STX8: variants seen among roughly 807,000 people sequenced by gnomAD.
STX8 encodes the protein syntaxin-8.
Under a neutral mutation model 37.5 loss-of-function variants are expected in STX8, and 23 were observed. The ratio of observed to expected loss-of-function variants is 0.61; its 90% CI spans 0.44 to 0.87. The LOEUF is 0.87. Among genes scored for constraint, STX8 ranks in the 40% least tolerant of loss-of-function variants. STX8 has a pLI of 0.00. For missense variants in STX8, 313 were observed against 284.7 expected, an observed-to-expected ratio of 1.10 and a Z score of -0.71; for synonymous variants, 115 against 99.1, an observed-to-expected ratio of 1.16 and a Z score of -0.95.
chr17:9,251,010 T>C (rs2072323), intron 7 of STX8, among the ~76,000 whole-genome samples: 74,270 of 151,596 alleles, frequency 0.49, 19,707 homozygotes, highest in Non-Finnish European at 0.62. Flanking sequence ...TGATGACGCA[T>C]TGATAAAGCA....
intron 7 of STX8, among the ~76,000 whole-genome samples, chr17:9,342,486 G>A (rs1910395433): frequency 6.6e-6 from 1 of 152,172 alleles, no homozygotes; most frequent in South Asian, 2.1e-4. Flanking sequence ...TGGCCTGAGG[G>A]GCAGTAGGCA....
chr17:9,311,800 C>A (rs746655586), intron 7 of STX8, among the ~76,000 whole-genome samples: 3 of 152,114 alleles, frequency 2.0e-5, no homozygotes, highest in Non-Finnish European at 4.4e-5. Flanking sequence ...TGAAACAGTG[C>A]CTGATAACAT....
chr17:9,257,816 C>T (rs962607512), intron 7 of STX8, among the ~76,000 whole-genome samples: 4 of 152,132 alleles, frequency 2.6e-5, no homozygotes, highest in African/African-American at 4.8e-5. Flanking sequence ...GGCCAAACCC[C>T]GTCTCTACTA....
intron 7 of STX8, among the ~76,000 whole-genome samples, chr17:9,313,168 G>T (rs1909253738): frequency 6.6e-6 from 1 of 152,014 alleles, no homozygotes; most frequent in South Asian, 2.1e-4. Context: ...TCCAGTTTGG[G>T]CAACAAGAGT....
chr17:9,277,939 A>T (rs1341092864), intron 7 of STX8, among the ~76,000 whole-genome samples: 1 of 152,150 alleles, frequency 6.6e-6, no homozygotes, highest in Admixed American at 6.5e-5. Flanking sequence ...ATTTTATCCT[A>T]AGTACAAGGG....
intron 6 of STX8, among the ~76,000 whole-genome samples, chr17:9,422,680 G>C (rs1396666541): frequency 6.6e-6 from 1 of 152,208 alleles, no homozygotes; most frequent in Non-Finnish European, 1.5e-5. Context: ...GCCACATTCT[G>C]TTTCTGCAGC....
intron 6 of STX8, among the ~76,000 whole-genome samples, chr17:9,468,237 G>A (rs1320050755): frequency 6.6e-6 from 1 of 152,038 alleles, no homozygotes; most frequent in Non-Finnish European, 1.5e-5. Context: ...AGCCTCCCAA[G>A]TAGCTGGGAT....
chr17:9,301,833 G>A (rs1166164846), intron 7 of STX8, among the ~76,000 whole-genome samples: 1 of 152,120 alleles, frequency 6.6e-6, no homozygotes, highest in African/African-American at 2.4e-5. Flanking sequence ...TTTTGCTATT[G>A]TTTTAGGTAG....
intron 6 of STX8, among the ~76,000 whole-genome samples, chr17:9,482,849 G>C (rs1307625597): frequency 6.6e-6 from 1 of 152,172 alleles, no homozygotes; most frequent in Non-Finnish European, 1.5e-5. Context: ...GGGAGGCGGA[G>C]GTTATGGTGA....
At chr17:9,430,241 C>T (rs1913909303) in intron 6 of STX8, among the ~76,000 whole-genome samples, 1 of 105,060 alleles carries the variant, frequency 9.5e-6, no homozygotes, top group Non-Finnish European at 2.1e-5. Flanking sequence ...ATATATAAAA[C>T]AATTTGCCAT....
intron 6 of STX8, among the ~76,000 whole-genome samples, chr17:9,420,471 C>T (rs1768223739): frequency 6.6e-6 from 1 of 152,148 alleles, no homozygotes; most frequent in African/African-American, 2.4e-5. Context: ...AGGACCCTCG[C>T]CTATCTGCTG....
intron 7 of STX8, among the ~76,000 whole-genome samples, chr17:9,359,998 G>T (rs1226764692): frequency 6.6e-6 from 1 of 151,920 alleles, no homozygotes; most frequent in Non-Finnish European, 1.5e-5. Flanking sequence ...AGCCCCTGAG[G>T]TGTCTTTAGT....
chr17:9,519,053 A>G (rs1905243991), intron 4 of STX8, among the ~76,000 whole-genome samples: 1 of 152,092 alleles, frequency 6.6e-6, no homozygotes, highest in South Asian at 2.1e-4. Flanking sequence ...TGGGGGGAGT[A>G]GCACACAAAT....
At chr17:9,447,369 T>A (rs1383343115) in intron 6 of STX8, among the ~76,000 whole-genome samples, 1 of 152,232 alleles carries the variant, frequency 6.6e-6, no homozygotes, top group African/African-American at 2.4e-5. Context: ...ATCAAGAACA[T>A]GTCTTTGCAT....
intron 2 of STX8, among the ~76,000 whole-genome samples, chr17:9,562,862 A>T (rs1351903245): frequency 1.3e-5 from 2 of 152,084 alleles, no homozygotes; most frequent in Non-Finnish European, 2.9e-5. Flanking sequence ...TTAAAAAAAA[A>T]ATTACATATG....
At chr17:9,410,896 C>T (rs766555629) in intron 6 of STX8, among the ~76,000 whole-genome samples, 23 of 152,138 alleles carry the variant, frequency 1.5e-4, no homozygotes, top group Non-Finnish European at 2.9e-4. Context: ...AGCAAAACCA[C>T]GTAGTCTCAA....
At chr17:9,426,739 G>A (rs765225662) in intron 6 of STX8, among the ~76,000 whole-genome samples, 4 of 152,094 alleles carry the variant, frequency 2.6e-5, no homozygotes, top group Non-Finnish European at 5.9e-5. Flanking sequence ...TCCAGCCTGG[G>A]TGACAGTGCG....
At chr17:9,525,907 T>G (rs1373314020) in intron 4 of STX8, among the ~76,000 whole-genome samples, 1 of 152,208 alleles carries the variant, frequency 6.6e-6, no homozygotes, top group Non-Finnish European at 1.5e-5. Context: ...GTTTGAGGAA[T>G]CATGGTTACC....
chr17:9,394,664 C>T (rs1397584474), intron 6 of STX8, among the ~76,000 whole-genome samples: 7 of 151,510 alleles, frequency 4.6e-5, no homozygotes, highest in Non-Finnish European at 7.4e-5. Flanking sequence ...CGCGCCTGGC[C>T]GAAAAGCTCA....
Sources: allele counts gnomAD v4.1 joint callset (sites outside exome capture counted in the v4.1 genomes callset), GRCh38; gene constraint gnomAD v4.1.1; transcripts MANE v1.5; gene names NCBI Gene and HGNC (gene_info 2026-07-23, HGNC 2026-07-21).